Variants in ZMIZ2 observed in about 807,000 individuals in gnomAD.
The protein encoded by ZMIZ2 is zinc finger MIZ-type containing 2.
ZMIZ2 carries 26 observed loss-of-function variants against 93.9 expected under a neutral mutation model. The ratio of observed to expected loss-of-function variants is 0.28; its 90% CI spans 0.20 to 0.38. ZMIZ2 has a LOEUF of 0.38. ZMIZ2 is among the 10% of genes least tolerant of loss of function. ZMIZ2 has a pLI of 1.00. For missense variants in ZMIZ2, 1,023 were observed against 1,235.0 expected (o/e 0.83, Z 2.57); for synonymous variants, 485 against 516.4 (o/e 0.94, Z 0.82).
intron 7 of ZMIZ2, 29 bp downstream of exon 7, chr7:44,759,489 C>G (rs371534634): frequency 1.4e-6 from 2 of 1,436,460 alleles, no homozygotes; most frequent in Non-Finnish European, 1.8e-6. Flanking sequence ...GGCCCTGTGC[C>G]GGGCTCCGTG....
At position 44,761,532 on chromosome 7, in the gene ZMIZ2, C is replaced by T. The variant is rs1485800324; in HGVS notation, c.1324C>T (p.Leu442=). The change falls in exon 10 of 19, where the codon CTG becomes TTG. Residue 442 remains leucine, a synonymous_variant. Coordinates refer to ENST00000309315, the MANE Select transcript of ZMIZ2 (RefSeq NM_031449.4). The surrounding 1 kb of genome is among the most constrained non-coding windows in gnomAD (Gnocchi z 5.8). ...VLEPFRLQHN[L]AVSNHVFQLR... ...GGAGCCCTTCCGCCTGCAGCACAAC[C>T]TGGCTGTAAGCAACCATGTCTTCCA... is the stretch of plus-strand genomic sequence containing the variant. 6.2e-7 allele frequency: 1 copy of T among 1,614,060 alleles called. No individual in the cohort carries two copies. Among genetic ancestry groups the T allele is most frequent in the Non-Finnish European group, 8.5e-7 (1 of 1,180,044 alleles).
In ZMIZ2 at chr7:44,765,512, C is replaced by A; in HGVS notation, c.2175C>A (p.Pro725=). The stretch of plus-strand genomic sequence containing the variant: ...TGGAGATGATCGCCGCCCTGGGCCC[C>A]GGCGCTGCCCCCTTTGCCCCCCTGC... ...SVMEMIAALG[P]GAAPFAPLQP... is the part of the protein sequence containing the mutation. The change falls in exon 16 of 19, where the codon CCC becomes CCA. Residue 725 remains proline (P), a synonymous_variant. Coordinates refer to ENST00000309315, the MANE Select transcript of ZMIZ2 (RefSeq NM_031449.4). The surrounding 1 kb of genome is among the most constrained non-coding windows in gnomAD (Gnocchi z 4.1). The A allele has an allele frequency of 6.3e-7, 1 of 1,596,390 alleles. No homozygotes were observed.
rs1791570073 is a variant in ZMIZ2, at chr7:44,765,112, TTCC to T, written c.1997+104_1997+106del. ...TGCCAAGTGCAGCCTTCCAGCCTTT[TTCC>T]GGCATGGAGCAGGCTGGATTCCAGG... On this transcript the variant is annotated intron_variant, in intron 15 of 18. Transcript: ENST00000309315. This position sits in a 1 kb window ranked among gnomAD's most constrained non-coding sequence, Gnocchi z 4.1. 146 of 1,527,304 alleles carry T rather than the reference TTCC, an allele frequency of 9.6e-5. No individual in the cohort carries two copies. Among genetic ancestry groups the T allele is most frequent in the Non-Finnish European group, 1.3e-4 (145 of 1,115,188 alleles). 94.6% of individuals were successfully genotyped at this position (1,527,304 alleles called of 1,614,324 possible).
In ZMIZ2 at chr7:44,757,939, T is replaced by C; in HGVS notation, c.644T>C (p.Ile215Thr). ...SVPAGMNPTG[I>T]GGVMGPSGLS... ...CCCGCTGGCATGAACCCTACTGGCA[T>C]AGGAGGGGTAATGGGCCCCTCTGGC... Residue 215 changes from isoleucine (I) to threonine (T), a missense_variant, in exon 6 of 19, where the codon ATA becomes ACA. Ile to Thr is a moderately conservative substitution (Grantham distance 89). Coordinates refer to ENST00000309315, the MANE Select transcript of ZMIZ2 (RefSeq NM_031449.4). The C allele has an allele frequency of 6.2e-7, 1 of 1,612,224 alleles. No individual in the cohort carries two copies. The highest frequency in any genetic ancestry group is 1.3e-5 in the African/African-American group (1 of 75,018).
At position 44,756,435 on chromosome 7, in the gene ZMIZ2, T is replaced by C. The variant is rs1313697508; in HGVS notation, c.61T>C (p.Phe21Leu). 3 of 1,614,080 alleles carry C rather than the reference T, an allele frequency of 1.9e-6. No individual in the cohort carries two copies. The highest frequency in any genetic ancestry group is 1.1e-5 in the South Asian group (1 of 91,090). ...CCTCTTTCCCTGCAGTGATGGTTCATTCGCATATGAGTCTGTGCCTTGGCA... is the reference window on the plus strand; with the variant it reads ...CCTCTTTCCCTGCAGTGATGGTTCACTCGCATATGAGTCTGTGCCTTGGCA... Reference protein sequence around the residue: ...LPPAPHGDGSFAYESVPWQQS... With the variant: ...LPPAPHGDGSLAYESVPWQQS... Residue 21 changes from phenylalanine (F) to leucine (L), a missense_variant, in exon 3 of 19, where the codon TTC becomes CTC. Around this residue, in one of 3 missense-constraint regions of ZMIZ2, gnomAD observed 656 missense variants for 777.1 expected, o/e 0.84. Coordinates refer to ENST00000309315, the MANE Select transcript of ZMIZ2 (RefSeq NM_031449.4).
At chr7:44,749,346 G>A (rs981498683) in intron 1 of ZMIZ2, among the ~76,000 whole-genome samples, 2 of 152,106 alleles carry the variant, frequency 1.3e-5, no homozygotes, top group African/African-American at 2.4e-5. Context: ...AAGGCTGGCC[G>A]GGCCTTCGCT....
rs561218759 is a variant in ZMIZ2 at position 44,766,489 on chromosome 7, T to C, written c.2481T>C (p.Leu827=). 3.8e-5 allele frequency: 61 copies of C among 1,614,136 alleles called. 1 individual carries two copies. In the South Asian group the frequency reaches 6.5e-4, roughly 17 times the overall value. ...PGTPGLHTSN[L]GAPPGPQLHH... ...CACCAGGACTACACACCTCCAACCT[T>C]GGGGCCCCTCCAGGTCCCCAGCTGC... is the stretch of plus-strand genomic sequence containing the variant. Residue 827 remains leucine (L), a synonymous_variant, in exon 18 of 19, where the codon CTT becomes CTC. Transcript: ENST00000309315. The surrounding 1 kb of genome is among the most constrained non-coding windows in gnomAD (Gnocchi z 4.4).
In ZMIZ2 at chr7:44,761,699, G is replaced by T; in HGVS notation, c.1390G>T (p.Asp464Tyr). ...SVYKTLIMRP[D>Y]LELQFKCYHH... ...TCCACCCATCTTCCTGAGCAGGCCT[G>T]ACCTGGAGCTGCAATTCAAGTGCTA... Residue 464 changes from aspartate to tyrosine, a missense_variant, in exon 11 of 19, where the codon GAC becomes TAC. Around this residue, in one of 3 missense-constraint regions of ZMIZ2, gnomAD observed 656 missense variants for 777.1 expected, o/e 0.84. Coordinates refer to ENST00000309315, the MANE Select transcript of ZMIZ2 (RefSeq NM_031449.4). This position sits in a 1 kb window ranked among gnomAD's most constrained non-coding sequence, Gnocchi z 5.8. The T allele has an allele frequency of 6.2e-7, 1 of 1,614,080 alleles. No homozygotes were observed. The highest frequency in any genetic ancestry group is 2.2e-5 in the East Asian group (1 of 44,886).
intron 5 of ZMIZ2, 126 bp from the exon 6 acceptor site, chr7:44,757,722 A>C (rs1790737286): frequency 8.0e-7 from 1 of 1,248,938 alleles, no homozygotes; most frequent in Non-Finnish European, 1.0e-6. Context: ...GTCTGAGGGG[A>C]GAGGTTTCTG....
In ZMIZ2 at chr7:44,757,190, T is replaced by C. The variant is rs1427231056; in HGVS notation, c.368+41T>C. 3 of 1,559,318 alleles carry C rather than the reference T, an allele frequency of 1.9e-6. No homozygotes were observed. In the East Asian group the frequency reaches 6.9e-5, roughly 36 times the overall value. On this transcript the variant is annotated intron_variant, in intron 4 of 18. Coordinates refer to ENST00000309315, the MANE Select transcript of ZMIZ2 (RefSeq NM_031449.4). The stretch of plus-strand genomic sequence containing the variant: ...CACCTGGCAGGTATGCTAGGAGCCA[T>C]CAATCTGGCAGGCACCTCAGAACTG...
chr7:44,760,765 G>A (rs1182579873), intron 9 of ZMIZ2, among the ~76,000 whole-genome samples, 172 bp downstream of exon 9: 1 of 151,364 alleles, frequency 6.6e-6, no homozygotes, highest in African/African-American at 2.4e-5. Flanking sequence ...CACCTTCGGA[G>A]GCTGAGCACA....
Position 44,760,126 on chromosome 7 carries a change from G to C in ZMIZ2, c.994-25G>C, listed in dbSNP as rs749658203. ...GGCAGGGGTCAGGTTGGAGCCCCAG[G>C]TGCATGCAGTTTTCTCTCCCGCAGC... On this transcript the variant is annotated intron_variant, in intron 7 of 18. Coordinates refer to ENST00000309315, the MANE Select transcript of ZMIZ2 (RefSeq NM_031449.4). 4.3e-6 allele frequency: 7 copies of C among 1,613,832 alleles called. No individual in the cohort carries two copies. The South Asian group carries it at 7.7e-5, about 18-fold the overall frequency.
At chr7:44,749,163 G>A (rs2116550536) in intron 1 of ZMIZ2, among the ~76,000 whole-genome samples, 172 bp downstream of exon 1, 1 of 152,204 alleles carries the variant, frequency 6.6e-6, no homozygotes, top group East Asian at 1.9e-4. Context: ...AGGGTTCACA[G>A]CTGGGCTGGG....
chr7:44,766,921 A>G lies in ZMIZ2; in HGVS notation c.2655+258A>G, dbSNP rs1022311540. On this transcript the variant is annotated intron_variant, in intron 18 of 18. Coordinates refer to ENST00000309315, the MANE Select transcript of ZMIZ2 (RefSeq NM_031449.4). This position sits in a 1 kb window ranked among gnomAD's most constrained non-coding sequence, Gnocchi z 4.4. ...GAGTCTCAGAGGAGACTGCACTGGA[A>G]GCTGACAGCACGGTCCTTAGAGTCA... Among the ~76,000 whole-genome samples the G allele has an allele frequency of 2.6e-5, 4 of 152,168 alleles. No homozygotes were observed. The highest frequency in any genetic ancestry group is 9.7e-5 in the African/African-American group (4 of 41,434).
chr7:44,756,928 G>T lies in ZMIZ2; in HGVS notation c.166-19G>T. 1 of 1,609,670 alleles carries T rather than the reference G, an allele frequency of 6.2e-7. No homozygotes were observed. Among genetic ancestry groups the T allele is most frequent in the South Asian group, 1.1e-5 (1 of 90,526 alleles). ...CGTTGTTTGGCTGGTTCCCTTTGGT[G>T]ATTCCTGCTTCCTCATAGGTTTTGG... On this transcript the variant is annotated intron_variant, in intron 3 of 18. Transcript: ENST00000309315.
intron 5 of ZMIZ2, 61 bp from the exon 6 acceptor site, chr7:44,757,787 C>G (rs1271432541): frequency 2.7e-6 from 4 of 1,508,718 alleles, no homozygotes; most frequent in Non-Finnish European, 3.5e-6. Context: ...GGGTTTTATG[C>G]CTATCTTTTG....
chr7:44,767,484 A>G (rs920392436), intron 18 of ZMIZ2, 32 bp from the exon 19 acceptor site: 1 of 1,576,952 alleles, frequency 6.3e-7, no homozygotes, highest in African/African-American at 1.3e-5. Flanking sequence ...GTCAGTGACC[A>G]AAGCTGCTAA....
Position 44,763,095 on chromosome 7 carries a change from C to T in ZMIZ2, c.1702+109C>T. 1 of 1,440,588 alleles carries T rather than the reference C, an allele frequency of 6.9e-7. No individual in the cohort carries two copies. The highest frequency in any genetic ancestry group is 1.3e-5 in the South Asian group (1 of 79,308). 89.2% of individuals were successfully genotyped at this position (1,440,588 alleles called of 1,614,324 possible). A position where few individuals can be genotyped will look rare whatever the true frequency, so the allele number is the denominator to read the frequency against. ...TCCTCGTGTCACACCAGGCCTTCTC[C>T]TTGGACAGGTGGCTCTGCAGTAGGG... On this transcript the variant is annotated intron_variant, in intron 12 of 18. Coordinates refer to ENST00000309315, the MANE Select transcript of ZMIZ2 (RefSeq NM_031449.4). The surrounding 1 kb of genome is among the most constrained non-coding windows in gnomAD (Gnocchi z 5.6).
chr7:44,762,495 T>A (rs1791301062), intron 11 of ZMIZ2, among the ~76,000 whole-genome samples: 1 of 152,162 alleles, frequency 6.6e-6, no homozygotes, highest in Non-Finnish European at 1.5e-5. Context: ...CACACCACAT[T>A]GTCTGGGATG....
Sources: allele counts gnomAD v4.1 joint callset (sites outside exome capture counted in the v4.1 genomes callset), GRCh38; gene constraint gnomAD v4.1.1; regional missense constraint gnomAD v4.1.1; non-coding constraint Gnocchi (gnomAD v3.1); transcripts MANE v1.5; gene names NCBI Gene and HGNC (gene_info 2026-07-23, HGNC 2026-07-21).